FBXL17: variants seen among roughly 807,000 people sequenced by gnomAD.
FBXL17 encodes F-box and leucine rich repeat protein 17.
Under a neutral mutation model 66.2 loss-of-function variants are expected in FBXL17, and 22 were observed. That is an observed-to-expected ratio of 0.33 (90% CI 0.24 to 0.47). FBXL17 has a LOEUF of 0.47. FBXL17 is among the 20% of genes least tolerant of loss of function. The pLI is 1.00. For missense variants in FBXL17, 878 were observed against 948.2 expected, an observed-to-expected ratio of 0.93 and a Z score of 0.97; for synonymous variants, 474 against 400.5, an observed-to-expected ratio of 1.18 and a Z score of -2.19.
intron 7 of FBXL17, among the ~76,000 whole-genome samples, chr5:107,910,852 G>T (rs1749927786): frequency 1.3e-5 from 2 of 151,960 alleles, no homozygotes; most frequent in South Asian, 4.1e-4. Flanking sequence ...ATATGAAATA[G>T]CTTTGTTGAA....
chr5:108,319,945 T>C (rs1223375894), intron 4 of FBXL17, among the ~76,000 whole-genome samples: 1 of 151,690 alleles, frequency 6.6e-6, no homozygotes, highest in African/African-American at 2.4e-5. Context: ...AAATGACTAC[T>C]TGCCTCGAAT....
intron 4 of FBXL17, among the ~76,000 whole-genome samples, chr5:108,256,553 A>G (rs1234425447): frequency 1.3e-5 from 2 of 151,908 alleles, no homozygotes; most frequent in East Asian, 1.9e-4. Context: ...TCCAAATACC[A>G]TATCTCCAAA....
intron 6 of FBXL17, among the ~76,000 whole-genome samples, chr5:108,037,837 C>T (rs576953968): frequency 1.8e-4 from 27 of 152,268 alleles, no homozygotes; most frequent in African/African-American, 5.5e-4. Flanking sequence ...TTTCCCTTAT[C>T]TCTAGACATT....
chr5:108,376,884 C>A (rs190467460), intron 1 of FBXL17, among the ~76,000 whole-genome samples: 4 of 150,118 alleles, frequency 2.7e-5, no homozygotes. Flanking sequence ...CCCACGGGTT[C>A]AAGCTGGGAT....
At chr5:108,079,907 A>C (rs977950542) in intron 6 of FBXL17, among the ~76,000 whole-genome samples, 2 of 152,238 alleles carry the variant, frequency 1.3e-5, no homozygotes, top group African/African-American at 2.4e-5. Context: ...GGCTTCAAAA[A>C]TGGAATGTTG....
At chr5:108,064,190 T>C (rs1748030657) in intron 6 of FBXL17, among the ~76,000 whole-genome samples, 1 of 152,168 alleles carries the variant, frequency 6.6e-6, no homozygotes, top group East Asian at 1.9e-4. Context: ...ACACCTATAT[T>C]TATGTCAGTC....
chr5:108,020,866 T>G, intron 7 of FBXL17, 59 bp downstream of exon 7: 1 of 1,214,654 alleles, frequency 8.2e-7, no homozygotes, highest in Non-Finnish European at 1.2e-6. Flanking sequence ...TTAAGAACTT[T>G]CAATGATTTT....
chr5:107,901,808 T>C (rs947855496), intron 7 of FBXL17, among the ~76,000 whole-genome samples: 2 of 152,092 alleles, frequency 1.3e-5, no homozygotes, highest in African/African-American at 4.8e-5. Context: ...GCCTCCGAGT[T>C]GGGGAGATAA....
intron 6 of FBXL17, among the ~76,000 whole-genome samples, chr5:108,085,216 A>G (rs1748923010): frequency 6.6e-6 from 1 of 152,272 alleles, no homozygotes; most frequent in African/African-American, 2.4e-5. Flanking sequence ...AACCACAAGT[A>G]ACAGTTCAAA....
intron 4 of FBXL17, among the ~76,000 whole-genome samples, chr5:108,331,955 T>C (rs543317795): frequency 2.6e-5 from 4 of 152,330 alleles, no homozygotes; most frequent in South Asian, 4.1e-4. Flanking sequence ...GAAAATATAG[T>C]AGAGAATATC....
At chr5:108,055,208 T>TGA (rs950049139) in intron 6 of FBXL17, among the ~76,000 whole-genome samples, 17 of 145,602 alleles carry the variant, frequency 1.2e-4, no homozygotes, top group Admixed American at 6.5e-4. Context: ...TATTACCAGA[T>TGA]GAGTATTCTC....
At chr5:108,202,416 G>C (rs995437732) in intron 5 of FBXL17, among the ~76,000 whole-genome samples, 1 of 152,052 alleles carries the variant, frequency 6.6e-6, no homozygotes, top group African/African-American at 2.4e-5. Flanking sequence ...AATAAAAGTG[G>C]TAAGTTTCTA....
At chr5:107,898,804 C>T (rs918622007) in intron 7 of FBXL17, among the ~76,000 whole-genome samples, 9 of 152,128 alleles carry the variant, frequency 5.9e-5, no homozygotes, top group Non-Finnish European at 1.2e-4. Context: ...TGAACTCGTC[C>T]TTTTTTATGG....
chr5:108,112,399 G>C (rs980297858), intron 6 of FBXL17, among the ~76,000 whole-genome samples: 2 of 152,192 alleles, frequency 1.3e-5, no homozygotes, highest in Non-Finnish European at 2.9e-5. Flanking sequence ...TGCCTCACTA[G>C]TGTGGCTGAA....
intron 7 of FBXL17, among the ~76,000 whole-genome samples, chr5:107,981,351 A>T (rs906556590): frequency 1.3e-5 from 2 of 152,262 alleles, no homozygotes; most frequent in African/African-American, 4.8e-5. Flanking sequence ...CTGTTTCTGC[A>T]CATCTGTGCT....
intron 7 of FBXL17, among the ~76,000 whole-genome samples, chr5:107,932,495 G>T (rs1184925813): frequency 6.6e-6 from 1 of 152,140 alleles, no homozygotes; most frequent in Admixed American, 6.6e-5. Context: ...TGGGCAATTT[G>T]ATTAAATAGT....
In FBXL17 at chr5:108,120,752, G is replaced by A. The variant is rs374467941; in HGVS notation, c.1745+65365C>T. ...GAAGGCTGAGGCAGGAGGATTCTTT[G>A]AGCCCAGGAGTTCGAGGTTGCAGAC... On this transcript the variant is annotated intron_variant, in intron 6 of 8. Coordinates refer to ENST00000542267, the MANE Select transcript of FBXL17 (RefSeq NM_001163315.3). 4.8e-4 allele frequency among the ~76,000 whole-genome samples: 73 copies of A among 152,242 alleles called. 1 individual carries two copies. The South Asian group carries it at 0.013, about 27-fold the overall frequency.
chr5:108,091,339 T>C (rs576309346), intron 6 of FBXL17, among the ~76,000 whole-genome samples: 10 of 152,376 alleles, frequency 6.6e-5, no homozygotes, highest in African/African-American at 2.4e-4. Flanking sequence ...CCTCATTTCC[T>C]GAATAATTTC....
chr5:108,229,367 G>A (rs988620925), intron 4 of FBXL17, among the ~76,000 whole-genome samples: 5 of 152,028 alleles, frequency 3.3e-5, no homozygotes, highest in Admixed American at 6.6e-5. Flanking sequence ...ATAAAAATAC[G>A]CATATAGGCC....
Sources: gnomAD v4.1 joint callset for allele counts (sites outside exome capture counted in the v4.1 genomes callset) on GRCh38, gnomAD v4.1.1 for gene constraint, MANE v1.5 for transcripts, NCBI Gene and HGNC (gene_info 2026-07-23, HGNC 2026-07-21) for gene names.